RNASEH1: variants seen among roughly 807,000 people sequenced by gnomAD.
The protein encoded by RNASEH1 is ribonuclease H type II.
RNASEH1 carries 27 observed loss-of-function variants against 34.6 expected under a neutral mutation model. The ratio of observed to expected loss-of-function variants is 0.78; its 90% CI spans 0.58 to 1.08. The LOEUF (loss-of-function observed/expected upper bound fraction) is 1.08, where lower values mean the gene tolerates loss of function less well. Ranked by LOEUF, RNASEH1 falls within the 50% of genes least tolerant of loss-of-function variation. The pLI is 0.00. For missense variants in RNASEH1, 349 were observed against 373.6 expected (o/e 0.93, Z 0.54); for synonymous variants, 162 against 138.4 (o/e 1.17, Z -1.20).
At chr2:3,546,720 G>A (rs1342446140) in intron 7 of RNASEH1, among the ~76,000 whole-genome samples, 5 of 152,256 alleles carry the variant, frequency 3.3e-5, no homozygotes, top group Non-Finnish European at 5.9e-5. Context: ...GCAGCGAGCC[G>A]AGATTGCGCC....
chr2:3,556,299 A>C (rs1660486736), intron 2 of RNASEH1, among the ~76,000 whole-genome samples: 2 of 151,480 alleles, frequency 1.3e-5, no homozygotes, highest in African/African-American at 2.4e-5. Flanking sequence ...CAGTCCAATA[A>C]CTATGTAAGT....
chr2:3,556,976 G>A, intron 1 of RNASEH1, 72 bp from the exon 2 acceptor site: 1 of 1,167,580 alleles, frequency 8.6e-7, no homozygotes, highest in Non-Finnish European at 1.3e-6. Flanking sequence ...AGATTCTTAA[G>A]GTTGGAAATA....
rs201104222 is a variant in RNASEH1 at position 3,552,190 on chromosome 2, G to C, written c.363C>G (p.Ser121Arg). The change falls in exon 3 of 8, where the codon AGC becomes AGG. Residue 121 changes from serine (S) to arginine (R), a missense_variant. Coordinates refer to ENST00000315212, the MANE Select transcript of RNASEH1 (RefSeq NM_002936.6). ...TGCTAACTGGAGGCGCCGGCTCCAC[G>C]CTCGGCTTCATGTGCTTTGCATACG... is the stretch of plus-strand genomic sequence containing the variant. ...AEPYAKHMKP[S>R]VEPAPPVSRD... The C allele has an allele frequency of 8.1e-6, 13 of 1,612,064 alleles. No individual in the cohort carries two copies. In the African/African-American group the frequency reaches 1.6e-4, roughly 20 times the overall value.
intron 1 of RNASEH1, among the ~76,000 whole-genome samples, chr2:3,557,421 T>C (rs903791866): frequency 6.6e-6 from 1 of 152,202 alleles, no homozygotes; most frequent in Non-Finnish European, 1.5e-5. Flanking sequence ...CATAACAAAA[T>C]ACTGCGGTCT....
At chr2:3,550,511 A>C (rs1009958743) in intron 3 of RNASEH1, 39 bp from the exon 4 acceptor site, 3 of 1,512,260 alleles carry the variant, frequency 2.0e-6, no homozygotes, top group Non-Finnish European at 2.8e-6. Context: ...GGCTGACCTT[A>C]CTAAAAACTG....
In RNASEH1 at chr2:3,553,227, G is replaced by A. The variant is rs1174697390; in HGVS notation, c.245-919C>T. Among the ~76,000 whole-genome samples, 8 of 151,164 alleles carry A rather than the reference G, an allele frequency of 5.3e-5. No homozygotes were observed. In the South Asian group the frequency reaches 1.0e-3, roughly 20 times the overall value. On this transcript the variant is annotated intron_variant, in intron 2 of 7. Coordinates refer to ENST00000315212, the MANE Select transcript of RNASEH1 (RefSeq NM_002936.6). ...CGCGCCACTGCACTCCAGCCTGGGC[G>A]AGAGAGTGAGACTCTGTCTCAAAAA...
At position 3,548,016 on chromosome 2, in the gene RNASEH1, C is replaced by T. The variant is rs1668920230; in HGVS notation, c.689G>A (p.Trp230Ter). Residue 230 changes from tryptophan to a stop codon, truncating the protein, a stop_gained, in exon 7 of 8, where the codon TGG (tryptophan) becomes TAG (stop). Transcript: ENST00000315212. LOFTEE classifies it high-confidence loss of function. ...CACCTCTTTCCCTGCACTTGTCTTC[C>T]ACCCATTTTTCTTCCAACCTTGAAC... ...NWVQGWKKNG[W>*]KTSAGKEVIN... 1 of 1,613,888 alleles carries T rather than the reference C, an allele frequency of 6.2e-7. No homozygotes were observed. Among genetic ancestry groups the T allele is most frequent in the Non-Finnish European group, 8.5e-7 (1 of 1,179,802 alleles).
Position 3,558,177 on chromosome 2 carries a change from G to A in RNASEH1, c.84C>T (p.Phe28=). Reference sequence around the variant, plus strand: ...TCTTGCGGCCCCTCCTCACGGCATAGAACATCCCGAACCCGCGAGAGCCGC... The same window carrying A: ...TCTTGCGGCCCCTCCTCACGGCATAAAACATCCCGAACCCGCGAGAGCCGC... ...CRRGSRGFGM[F]YAVRRGRKTG... The change falls in exon 1 of 8, where the codon TTC becomes TTT. Residue 28 remains phenylalanine (F), a synonymous_variant. Coordinates refer to ENST00000315212, the MANE Select transcript of RNASEH1 (RefSeq NM_002936.6). 2 of 1,603,400 alleles carry A rather than the reference G, an allele frequency of 1.2e-6. No homozygotes were observed. Among genetic ancestry groups the A allele is most frequent in the Non-Finnish European group, 1.7e-6 (2 of 1,176,536 alleles).
Position 3,545,226 on chromosome 2 carries a change from G to C in RNASEH1, c.*559C>G, listed in dbSNP as rs191152007. On this transcript the variant is annotated 3_prime_UTR_variant, in exon 8 of 8. Coordinates refer to ENST00000315212, the MANE Select transcript of RNASEH1 (RefSeq NM_002936.6). ...TAGCAGCCAGGGTCGCCGCAGGCAG[G>C]CTTTGCCCTATACTAACTGCCCAGC... is the stretch of plus-strand genomic sequence containing the variant. The C allele has an allele frequency of 6.5e-6, 1 of 152,974 alleles. No homozygotes were observed. The highest frequency in any genetic ancestry group is 1.9e-4 in the East Asian group (1 of 5,140). The allele number at this position is 152,974 out of a possible 1,614,324, so 9.5% of individuals were successfully genotyped here.
rs1365204600 is a variant in RNASEH1, at chr2:3,550,454, T to C, written c.428A>G (p.Tyr143Cys). 3.0e-5 allele frequency: 49 copies of C among 1,614,014 alleles called. No homozygotes were observed. The highest frequency in any genetic ancestry group is 3.9e-5 in the Non-Finnish European group (46 of 1,179,976). Residue 143 changes from tyrosine (Y) to cysteine (C), a missense_variant, in exon 4 of 8, where the codon TAC (tyrosine) becomes TGC (cysteine). This residue lies in a region of RNASEH1 where 256 missense variants were observed against 240.7 expected (regional missense o/e 1.06). Coordinates refer to ENST00000315212, the MANE Select transcript of RNASEH1 (RefSeq NM_002936.6). ...ATTACTGGAGCAGCAGCCATCAGTG[T>C]AGACGACGACGAAGTCTCCTGTGGG... The part of the protein sequence containing the change: ...FSYMGDFVVV[Y>C]TDGCCSSNGR...
rs1669175580 is a variant in RNASEH1, at chr2:3,550,366, A to C, written c.509+7T>G. The C allele has an allele frequency of 6.2e-7, 1 of 1,605,204 alleles. No homozygotes were observed. Among genetic ancestry groups the C allele is most frequent in the South Asian group, 1.1e-5 (1 of 90,932 alleles). On this transcript the variant is annotated splice_region_variant and intron_variant, in intron 4 of 7. Transcript: ENST00000315212. ...GATTCAGTAAAACTCAGCTTCGTTT[A>C]ACTTACAAAGGATGGCCTGGCCCCC...
chr2:3,554,046 G>A (rs187821750), intron 2 of RNASEH1, among the ~76,000 whole-genome samples: 10 of 152,220 alleles, frequency 6.6e-5, no homozygotes, highest in Admixed American at 6.5e-4. Flanking sequence ...AATGGGGCAC[G>A]AACATCACAG....
chr2:3,543,723 A>T lies in RNASEH1; in HGVS notation c.*2062T>A, dbSNP rs1668495223. On this transcript the variant is annotated 3_prime_UTR_variant, in exon 8 of 8. Transcript: ENST00000315212. ...CCTCCTGGGCCCAAGCGATCCTCCC[A>T]TCTCAGCCTCCAGAATAGCTGGGAC... Among the ~76,000 whole-genome samples the T allele has an allele frequency of 6.6e-6, 1 of 151,946 alleles. No individual in the cohort carries two copies. The highest frequency in any genetic ancestry group is 1.5e-5 in the Non-Finnish European group (1 of 67,996).
chr2:3,538,944 T>C (rs1239128356), downstream of RNASEH1, among the ~76,000 whole-genome samples: 3 of 152,216 alleles, frequency 2.0e-5, no homozygotes, highest in Non-Finnish European at 4.4e-5. Flanking sequence ...TTAATCTGCA[T>C]TCTCTCGTGA....
At chr2:3,540,771 A>G (rs1425675345), downstream of RNASEH1, among the ~76,000 whole-genome samples, 1 of 152,004 alleles carries the variant, frequency 6.6e-6, no homozygotes, top group East Asian at 1.9e-4. Flanking sequence ...CTTTTCATCT[A>G]TTTCCAATTC....
chr2:3,554,864 T>C (rs537734866), intron 2 of RNASEH1, among the ~76,000 whole-genome samples: 2 of 152,334 alleles, frequency 1.3e-5, no homozygotes, highest in South Asian at 4.1e-4. Flanking sequence ...GATTTTTCCA[T>C]CTGGGTAGAA....
Position 3,545,291 on chromosome 2 carries a change from C to T in RNASEH1, c.*494G>A, listed in dbSNP as rs139346577. On this transcript the variant is annotated 3_prime_UTR_variant, in exon 8 of 8. Coordinates refer to ENST00000315212, the MANE Select transcript of RNASEH1 (RefSeq NM_002936.6). Reference sequence around the variant, plus strand: ...GGCTGAGACCCAGCACACATCCTGCCCACTGAGCTGTCCGCCCAGGCCCTG... The same window carrying T: ...GGCTGAGACCCAGCACACATCCTGCTCACTGAGCTGTCCGCCCAGGCCCTG... 2.1e-3 allele frequency: 352 copies of T among 166,524 alleles called. 1 individual carries two copies. The highest frequency in any genetic ancestry group is 3.8e-3 in the Non-Finnish European group (287 of 75,748). 10.3% of individuals were successfully genotyped at this position (166,524 alleles called of 1,614,324 possible). A position where few individuals can be genotyped will look rare whatever the true frequency, so the allele number is the denominator to read the frequency against.
the RNASEH1 span, chr2:3,532,247 A>G: frequency 1.4e-6 from 1 of 702,302 alleles, no homozygotes; most frequent in South Asian, 1.5e-5. Context: ...AACATTTCTC[A>G]TGACCCTCAT....
chr2:3,551,342 T>A (rs1315282752), intron 3 of RNASEH1, among the ~76,000 whole-genome samples: 25 of 152,178 alleles, frequency 1.6e-4, no homozygotes. Context: ...CTGAACTGTC[T>A]CAGGAGCCAG....
Sources: allele counts gnomAD v4.1 joint callset (sites outside exome capture counted in the v4.1 genomes callset), GRCh38; gene constraint gnomAD v4.1.1; regional missense constraint gnomAD v4.1.1; transcripts MANE v1.5; gene names NCBI Gene and HGNC (gene_info 2026-07-23, HGNC 2026-07-21).